The following ASCC3 variants were observed in gnomAD, a reference collection of about 807,000 sequenced individuals.
ASCC3 encodes ASC-1 complex subunit P200.
Under a neutral mutation model 256.3 loss-of-function variants are expected in ASCC3, and 158 were observed. That is an observed-to-expected ratio of 0.62 (90% CI 0.54 to 0.70). The LOEUF is 0.70. Ranked by LOEUF, ASCC3 falls within the 30% of genes least tolerant of loss-of-function variation. ASCC3 has a pLI of 0.00. For missense variants in ASCC3, 2,259 were observed against 2,626.0 expected (o/e 0.86, Z 3.05); for synonymous variants, 948 against 883.4 (o/e 1.07, Z -1.30).
At chr6:100,659,044 T>G (rs1288259360) in intron 16 of ASCC3, among the ~76,000 whole-genome samples, 1 of 151,390 alleles carries the variant, frequency 6.6e-6, no homozygotes, top group Non-Finnish European at 1.5e-5. Flanking sequence ...TATGCATCGA[T>G]AAGCAAATGT....
chr6:100,668,443 T>C (rs1280345660), intron 14 of ASCC3, among the ~76,000 whole-genome samples: 1 of 151,954 alleles, frequency 6.6e-6, no homozygotes, highest in Admixed American at 6.6e-5. Context: ...AACTCTAAAA[T>C]GATAAAAATA....
chr6:100,739,052 A>G (rs1780308666), intron 10 of ASCC3, among the ~76,000 whole-genome samples: 1 of 152,190 alleles, frequency 6.6e-6, no homozygotes, highest in Non-Finnish European at 1.5e-5. Flanking sequence ...GCTTTTGCCA[A>G]TTCAGTATGA....
intron 37 of ASCC3, chr6:100,530,643 A>G: frequency 1.2e-6 from 1 of 822,192 alleles, no homozygotes; most frequent in Admixed American, 1.7e-5. Context: ...ACAGGAGTTC[A>G]TGGATGGCAT....
At chr6:100,522,690 G>A (rs193045723) in intron 37 of ASCC3, among the ~76,000 whole-genome samples, 3 of 152,082 alleles carry the variant, frequency 2.0e-5, no homozygotes, top group East Asian at 1.9e-4. Flanking sequence ...TGAAATAGTC[G>A]TGATTAGGAT....
chr6:100,730,068 G>A (rs1406715685), intron 10 of ASCC3, among the ~76,000 whole-genome samples: 1 of 152,020 alleles, frequency 6.6e-6, no homozygotes, highest in Non-Finnish European at 1.5e-5. Context: ...ACTTTGGGAG[G>A]CCAAAGTGGG....
At chr6:100,518,867 A>G (rs967973525) in intron 37 of ASCC3, among the ~76,000 whole-genome samples, 1 of 152,290 alleles carries the variant, frequency 6.6e-6, no homozygotes, top group South Asian at 2.1e-4. Context: ...TTAAAGACAC[A>G]TAAGTTAATA....
intron 13 of ASCC3, among the ~76,000 whole-genome samples, chr6:100,692,027 A>G (rs967572033): frequency 1.3e-5 from 2 of 152,092 alleles, no homozygotes; most frequent in East Asian, 1.9e-4. Context: ...TGGTAGGCCA[A>G]CGTTTAGTTG....
At chr6:100,600,437 T>A (rs1258275130) in intron 34 of ASCC3, among the ~76,000 whole-genome samples, 1 of 152,128 alleles carries the variant, frequency 6.6e-6, no homozygotes, top group Non-Finnish European at 1.5e-5. Context: ...GTGGTAAATG[T>A]GCAGTTCTGG....
At chr6:100,681,685 C>T (rs571728417) in intron 13 of ASCC3, among the ~76,000 whole-genome samples, 2 of 130,816 alleles carry the variant, frequency 1.5e-5, no homozygotes, top group South Asian at 2.4e-4. Context: ...CGGGATTACG[C>T]CACTGCACTC....
chr6:100,880,477 C>T (rs1769244231), intron 1 of ASCC3, among the ~76,000 whole-genome samples: 1 of 152,224 alleles, frequency 6.6e-6, no homozygotes, highest in Middle Eastern at 3.2e-3. Flanking sequence ...ACCATTAGCA[C>T]ACTGCATTCC....
intron 30 of ASCC3, among the ~76,000 whole-genome samples, chr6:100,619,190 A>AC (rs1773822066): frequency 6.6e-6 from 1 of 152,192 alleles, no homozygotes; most frequent in Non-Finnish European, 1.5e-5. Context: ...CACAGACAAA[A>AC]AACCACTTGA....
chr6:100,810,631 C>CA (rs1466944001), intron 4 of ASCC3, among the ~76,000 whole-genome samples: 1 of 152,034 alleles, frequency 6.6e-6, no homozygotes, highest in Non-Finnish European at 1.5e-5. Context: ...TGTCTATATA[C>CA]AAAATCTCAA....
chr6:100,608,830 C>T (rs1358172553), intron 30 of ASCC3, among the ~76,000 whole-genome samples: 2 of 127,638 alleles, frequency 1.6e-5, no homozygotes, highest in African/African-American at 6.0e-5. Flanking sequence ...GTGGCGTGAT[C>T]TCGGCTCACT....
chr6:100,769,751 G>A (rs750407239), intron 8 of ASCC3, among the ~76,000 whole-genome samples: 21 of 151,708 alleles, frequency 1.4e-4, no homozygotes, highest in Non-Finnish European at 2.9e-4. Flanking sequence ...TCAAGAGTGA[G>A]AAAAGTGGCA....
intron 13 of ASCC3, among the ~76,000 whole-genome samples, chr6:100,694,634 G>A (rs555516363): frequency 3.9e-5 from 6 of 152,274 alleles, no homozygotes; most frequent in Middle Eastern, 6.8e-3. Flanking sequence ...AGATCCTATT[G>A]TGCAAAATGG....
At chr6:100,568,774 AT>A (rs1371218594) in intron 36 of ASCC3, among the ~76,000 whole-genome samples, 7 of 140,084 alleles carry the variant, frequency 5.0e-5, no homozygotes, top group African/African-American at 2.1e-4. Context: ...TATTATTATT[AT>A]TATTATTATT....
At chr6:100,878,939 C>T (rs1358753189) in intron 1 of ASCC3, among the ~76,000 whole-genome samples, 1 of 152,094 alleles carries the variant, frequency 6.6e-6, no homozygotes, top group Non-Finnish European at 1.5e-5. Flanking sequence ...GATTGAAGGC[C>T]CAATCCCACA....
chr6:100,597,249 T>A (rs1772348003), intron 34 of ASCC3, among the ~76,000 whole-genome samples: 1 of 152,156 alleles, frequency 6.6e-6, no homozygotes, highest in African/African-American at 2.4e-5. Flanking sequence ...AAATCTACCG[T>A]CTCTGCTAAA....
chr6:100,819,481 G>A (rs1770933738), intron 4 of ASCC3, among the ~76,000 whole-genome samples: 1 of 152,174 alleles, frequency 6.6e-6, no homozygotes, highest in South Asian at 2.1e-4. Context: ...TGCAAGCTGA[G>A]AGCAAGGAAG....
Sources: gnomAD v4.1 joint callset for allele counts (sites outside exome capture counted in the v4.1 genomes callset) on GRCh38, gnomAD v4.1.1 for gene constraint, MANE v1.5 for transcripts, NCBI Gene and HGNC (gene_info 2026-07-23, HGNC 2026-07-21) for gene names.